Variants in CFAP61 observed in about 807,000 individuals in gnomAD.
The protein encoded by CFAP61 is cilia and flagella associated protein 61.
In CFAP61, 107 loss-of-function variants were observed where a neutral mutation model predicts 135.6. The ratio of observed to expected loss-of-function variants is 0.79; its 90% CI spans 0.67 to 0.93. The LOEUF (loss-of-function observed/expected upper bound fraction) is 0.93, where lower values mean the gene tolerates loss of function less well. CFAP61 is among the 40% of genes least tolerant of loss of function. The pLI is 0.00. For missense variants in CFAP61, 1,507 were observed against 1,556.2 expected, an observed-to-expected ratio of 0.97 and a Z score of 0.53; for synonymous variants, 575 against 578.5, an observed-to-expected ratio of 0.99 and a Z score of 0.09.
intron 26 of CFAP61, among the ~76,000 whole-genome samples, chr20:20,343,444 G>T (rs1341413596): frequency 6.6e-6 from 1 of 152,214 alleles, no homozygotes; most frequent in African/African-American, 2.4e-5. Context: ...TGAGGGAAGT[G>T]GAGGGCTGGG....
intron 13 of CFAP61, among the ~76,000 whole-genome samples, chr20:20,171,135 C>T (rs768523946): frequency 7.9e-5 from 12 of 152,130 alleles, no homozygotes; most frequent in African/African-American, 2.9e-4. Flanking sequence ...TATTGTTTCT[C>T]GACATGGTGT....
At chr20:20,158,726 C>T (rs1019194322) in intron 9 of CFAP61, among the ~76,000 whole-genome samples, 1 of 152,054 alleles carries the variant, frequency 6.6e-6, no homozygotes, top group African/African-American at 2.4e-5. Context: ...TCAGTATTTG[C>T]CTGTGGTTGG....
At chr20:20,135,010 T>A (rs924550054) in intron 8 of CFAP61, among the ~76,000 whole-genome samples, 5 of 151,818 alleles carry the variant, frequency 3.3e-5, no homozygotes, top group Admixed American at 3.3e-4. Flanking sequence ...TGATTAAAGA[T>A]CTTGAGATAA....
At chr20:20,078,139 A>T (rs2046187241) in intron 6 of CFAP61, among the ~76,000 whole-genome samples, 1 of 152,186 alleles carries the variant, frequency 6.6e-6, no homozygotes, top group Non-Finnish European at 1.5e-5. Flanking sequence ...CATTCTTAAG[A>T]TCTCTGTTTT....
chr20:20,164,264 G>A (rs2053641544), intron 11 of CFAP61, 36 bp downstream of exon 11: 1 of 1,567,172 alleles, frequency 6.4e-7, no homozygotes, highest in African/African-American at 1.4e-5. Flanking sequence ...GTCACAGTGA[G>A]AATCTTTTCT....
At chr20:20,070,749 A>T (rs1159278861) in intron 2 of CFAP61, 105 bp from the exon 3 acceptor site, 1 of 946,980 alleles carries the variant, frequency 1.1e-6, no homozygotes, top group Admixed American at 2.6e-5. Flanking sequence ...ATCTGACCTC[A>T]TGCAGTGGCT....
At chr20:20,308,760 C>T (rs1050462940) in intron 25 of CFAP61, among the ~76,000 whole-genome samples, 2 of 152,252 alleles carry the variant, frequency 1.3e-5, no homozygotes, top group South Asian at 2.1e-4. Context: ...TGCACATCTT[C>T]GTAAAATCGC....
At chr20:20,154,489 T>C (rs1320546217) in intron 9 of CFAP61, among the ~76,000 whole-genome samples, 1 of 151,950 alleles carries the variant, frequency 6.6e-6, no homozygotes, top group Non-Finnish European at 1.5e-5. Flanking sequence ...CTAGATCTGA[T>C]ATATTCAGTA....
chr20:20,265,569 C>G (rs1032822689), intron 21 of CFAP61: 1 of 765,366 alleles, frequency 1.3e-6, no homozygotes, highest in Non-Finnish European at 2.4e-6. Context: ...TGCTTTTGTC[C>G]ACCAAATAGC....
At chr20:20,341,690 G>C (rs2058449600) in intron 25 of CFAP61, 141 bp from the exon 26 acceptor site, 13 of 571,906 alleles carry the variant, frequency 2.3e-5, no homozygotes, top group South Asian at 5.4e-5. Flanking sequence ...GATTGGTCAG[G>C]CTGTTCCACA....
At chr20:20,173,095 A>G (rs959948570) in intron 13 of CFAP61, among the ~76,000 whole-genome samples, 2 of 151,838 alleles carry the variant, frequency 1.3e-5, no homozygotes, top group African/African-American at 4.8e-5. Flanking sequence ...ATGTCTTTTC[A>G]TGACTGGCTA....
chr20:20,340,991 C>T (rs932349572), intron 25 of CFAP61, among the ~76,000 whole-genome samples: 1 of 152,056 alleles, frequency 6.6e-6, no homozygotes, highest in Non-Finnish European at 1.5e-5. Flanking sequence ...CTAACTTTTA[C>T]GTCTTGGAAA....
rs376091468 is a variant in CFAP61 at position 20,251,545 on chromosome 20, G to A, written c.2160-50G>A. 1.8e-5 allele frequency: 28 copies of A among 1,583,732 alleles called. 1 individual carries two copies. The African/African-American group carries it at 2.6e-4, about 14-fold the overall frequency. ...CCAGCTCACCAGATGTCTAATTAATGCCCGCTGTCAGCTGCTCAGATGTCA... is the reference window on the plus strand; with the variant it reads ...CCAGCTCACCAGATGTCTAATTAATACCCGCTGTCAGCTGCTCAGATGTCA... On this transcript the variant is annotated intron_variant, in intron 19 of 26. Transcript: ENST00000245957.
At position 20,199,832 on chromosome 20, in the gene CFAP61, G is replaced by A. The variant is rs745765676; in HGVS notation, c.1862G>A (p.Arg621Gln). ...ALHYLVPVRP[R>Q]RQIVYPLEKL... is the part of the protein sequence containing the mutation. ...CATTACTTGGTTCCCGTGCGACCAC[G>A]ACGACAGATTGTCTATCCTCTGGAA... is the stretch of plus-strand genomic sequence containing the variant. The change falls in exon 17 of 27, where the codon CGA (arginine) becomes CAA (glutamine). Residue 621 changes from arginine (R) to glutamine (Q), a missense_variant. By Grantham distance (43) the Arg-to-Gln change is conservative (BLOSUM62 1). Transcript: ENST00000245957. 2.6e-5 allele frequency: 42 copies of A among 1,614,018 alleles called. No individual in the cohort carries two copies. Among genetic ancestry groups the A allele is most frequent in the Non-Finnish European group, 3.0e-5 (35 of 1,180,034 alleles).
At chr20:20,248,516 G>C (rs571387353) in intron 19 of CFAP61, among the ~76,000 whole-genome samples, 1 of 152,262 alleles carries the variant, frequency 6.6e-6, no homozygotes, top group South Asian at 2.1e-4. Context: ...CTCTTGTGGA[G>C]GTGCTAATGG....
At chr20:20,074,753 G>A (rs2045940656) in intron 4 of CFAP61, among the ~76,000 whole-genome samples, 1 of 152,168 alleles carries the variant, frequency 6.6e-6, no homozygotes, top group African/African-American at 2.4e-5. Context: ...CTGAATAATA[G>A]GATGCATGGA....
chr20:20,191,728 C>G (rs1301329547), intron 15 of CFAP61, among the ~76,000 whole-genome samples: 3 of 151,484 alleles, frequency 2.0e-5, no homozygotes, highest in Non-Finnish European at 2.9e-5. Context: ...CTAAGTATTA[C>G]TACTGTAGTG....
chr20:20,165,482 C>T (rs191071342), intron 11 of CFAP61, among the ~76,000 whole-genome samples: 1 of 151,804 alleles, frequency 6.6e-6, no homozygotes, highest in East Asian at 1.9e-4. Flanking sequence ...GTCTAAAGCC[C>T]CGGCGCCCAC....
intron 8 of CFAP61, among the ~76,000 whole-genome samples, chr20:20,106,003 T>TACATATAC (rs1313992491): frequency 6.9e-5 from 1 of 14,472 alleles, no homozygotes; most frequent in Admixed American, 6.0e-4. Flanking sequence ...CTCTTGCCTA[T>TACATATAC]ATATATATAT....
Sources: allele counts gnomAD v4.1 joint callset (sites outside exome capture counted in the v4.1 genomes callset), GRCh38; gene constraint gnomAD v4.1.1; transcripts MANE v1.5; gene names NCBI Gene and HGNC (gene_info 2026-07-23, HGNC 2026-07-21).